The following PLEKHA5 variants were observed in gnomAD, a reference collection of about 807,000 sequenced individuals.
PLEKHA5 encodes the protein pleckstrin homology domain containing A5.
Under a neutral mutation model 181.9 loss-of-function variants are expected in PLEKHA5, and 55 were observed. The observed-to-expected ratio is 0.30, with a 90% CI of 0.24 to 0.38. The LOEUF is 0.38. Among genes scored for constraint, PLEKHA5 ranks in the 10% least tolerant of loss-of-function variants. The pLI is 1.00. For synonymous variants in PLEKHA5, 535 were observed against 529.4 expected, an observed-to-expected ratio of 1.01 and a Z score of -0.15; for missense variants, 1,432 against 1,549.5, an observed-to-expected ratio of 0.92 and a Z score of 1.27.
Position 19,142,097 on chromosome 12 carries a change from C to T in PLEKHA5, c.227+9647C>T, listed in dbSNP as rs370209117. On this transcript the variant is annotated intron_variant, in intron 3 of 31. Coordinates refer to ENST00000429027, the MANE Select transcript of PLEKHA5 (RefSeq NM_001256470.2). ...TGTTAAGGCCAGGTGCTGTGGCTCACGCCTGTAATCCCAACACTTTGGGAG... is the reference window on the plus strand; with the variant it reads ...TGTTAAGGCCAGGTGCTGTGGCTCATGCCTGTAATCCCAACACTTTGGGAG... Among the ~76,000 whole-genome samples, 23 of 152,232 alleles carry T rather than the reference C, an allele frequency of 1.5e-4. 1 individual carries two copies. The highest frequency in any genetic ancestry group is 4.6e-4 in the African/African-American group (19 of 41,544).
intron 10 of PLEKHA5, among the ~76,000 whole-genome samples, chr12:19,272,490 A>G (rs1044299942): frequency 6.6e-6 from 1 of 152,108 alleles, no homozygotes; most frequent in African/African-American, 2.4e-5. Flanking sequence ...TGTAACCCCA[A>G]TAATGTAGGA....
At chr12:19,337,774 A>G (rs2093566607) in intron 21 of PLEKHA5, among the ~76,000 whole-genome samples, 1 of 152,060 alleles carries the variant, frequency 6.6e-6, no homozygotes, top group African/African-American at 2.4e-5. Context: ...AACATGGGGA[A>G]ACCCCATCTG....
At chr12:19,303,210 A>T (rs2082115308) in intron 15 of PLEKHA5, among the ~76,000 whole-genome samples, 1 of 148,528 alleles carries the variant, frequency 6.7e-6, no homozygotes, top group Non-Finnish European at 1.5e-5. Flanking sequence ...CAGCCTCTAG[A>T]TTATTATATA....
chr12:19,231,328 CTG>C (rs1336685293), intron 3 of PLEKHA5, among the ~76,000 whole-genome samples: 1 of 151,912 alleles, frequency 6.6e-6, no homozygotes. Context: ...AAATCAGACT[CTG>C]TAGAAAACGA....
chr12:19,191,400 A>T (rs1164067652), intron 3 of PLEKHA5, among the ~76,000 whole-genome samples: 1 of 152,192 alleles, frequency 6.6e-6, no homozygotes, highest in Non-Finnish European at 1.5e-5. Context: ...CTTTGAGTTA[A>T]TGTTGAGTGT....
chr12:19,274,262 G>T (rs1392406248), intron 10 of PLEKHA5, among the ~76,000 whole-genome samples: 1 of 152,164 alleles, frequency 6.6e-6, no homozygotes, highest in Non-Finnish European at 1.5e-5. Flanking sequence ...GATTCCTAAT[G>T]GTGGGAGCAC....
rs905206973 is a variant in PLEKHA5, at chr12:19,347,141, A to T, written c.2857A>T (p.Met953Leu). 6.4e-6 allele frequency: 10 copies of T among 1,550,410 alleles called. No homozygotes were observed. The highest frequency in any genetic ancestry group is 8.7e-6 in the Non-Finnish European group (10 of 1,146,082). The change falls in exon 24 of 32, where the codon ATG (methionine) becomes TTG (leucine). Residue 953 changes from methionine to leucine, a missense_variant. By Grantham distance (15) the Met-to-Leu change is conservative (BLOSUM62 2). Around this residue, in one of 2 missense-constraint regions of PLEKHA5, gnomAD observed 1,143 missense variants for 1,168.4 expected, o/e 0.98. Transcript: ENST00000429027. ...AGTTCATCTGCCTGAAGAAAAGAAG[A>T]TGTATCAAGTTCAAGGATATCCAAG... ...GPVHLPEEKK[M>L]YQVQGYPRNG...
chr12:19,229,585 G>A (rs966824409), intron 3 of PLEKHA5, among the ~76,000 whole-genome samples: 2 of 152,110 alleles, frequency 1.3e-5, no homozygotes, highest in Non-Finnish European at 2.9e-5. Flanking sequence ...ACAGACCTTC[G>A]CAGTGAGTGT....
At chr12:19,138,585 A>G (rs2036363069) in intron 3 of PLEKHA5, among the ~76,000 whole-genome samples, 1 of 151,816 alleles carries the variant, frequency 6.6e-6, no homozygotes, top group African/African-American at 2.4e-5. Context: ...AAAAAAAAAA[A>G]AAAGAAGATG....
chr12:19,227,324 G>T (rs1403068094), intron 3 of PLEKHA5, among the ~76,000 whole-genome samples: 1 of 149,860 alleles, frequency 6.7e-6, no homozygotes. Context: ...CTCTGGGAAG[G>T]TAAGCTTCCT....
intron 18 of PLEKHA5, among the ~76,000 whole-genome samples, chr12:19,321,900 ACTTT>A (rs781498878): frequency 3.3e-5 from 5 of 152,120 alleles, no homozygotes; most frequent in African/African-American, 7.2e-5. Flanking sequence ...TTATTAGAAT[ACTTT>A]CTTGTACTTT....
intron 3 of PLEKHA5, among the ~76,000 whole-genome samples, chr12:19,215,814 G>T (rs912276537): frequency 2.0e-5 from 3 of 152,250 alleles, no homozygotes; most frequent in Admixed American, 6.5e-5. Context: ...GACTAAATTT[G>T]TGTCTCCAAA....
intron 3 of PLEKHA5, among the ~76,000 whole-genome samples, chr12:19,182,272 C>T (rs865851297): frequency 1.8e-4 from 28 of 152,150 alleles, no homozygotes; most frequent in Middle Eastern, 6.8e-3. Context: ...ATTGTTTTTT[C>T]GCATCCAAGC....
At chr12:19,339,331 G>A (rs1204223450) in intron 21 of PLEKHA5, among the ~76,000 whole-genome samples, 5 of 152,064 alleles carry the variant, frequency 3.3e-5, no homozygotes, top group Admixed American at 6.6e-5. Flanking sequence ...ATGAGCCACC[G>A]TGCCCGGCTA....
At chr12:19,139,274 G>A (rs1003233049) in intron 3 of PLEKHA5, among the ~76,000 whole-genome samples, 1 of 152,168 alleles carries the variant, frequency 6.6e-6, no homozygotes, top group Non-Finnish European at 1.5e-5. Flanking sequence ...AGTAGGTGTG[G>A]GAGGGGGAGC....
In PLEKHA5 at chr12:19,166,038, G is replaced by A. The variant is rs149600718; in HGVS notation, c.227+33588G>A. On this transcript the variant is annotated intron_variant, in intron 3 of 31. Coordinates refer to ENST00000429027, the MANE Select transcript of PLEKHA5 (RefSeq NM_001256470.2). ...TTATAGATGGCAACTGAGGCAAAAA[G>A]AAGGCAGTAACTGCCCAAGGTCAGA... Among the ~76,000 whole-genome samples, 6 of 152,268 alleles carry A rather than the reference G, an allele frequency of 3.9e-5. No homozygotes were observed. The East Asian group carries it at 1.2e-3, about 29-fold the overall frequency.
At chr12:19,140,469 G>C (rs1253317748) in intron 3 of PLEKHA5, among the ~76,000 whole-genome samples, 1 of 152,088 alleles carries the variant, frequency 6.6e-6, no homozygotes, top group African/African-American at 2.4e-5. Flanking sequence ...TGGCCACTAA[G>C]GAGTGTCCTC....
At chr12:19,297,753 A>T (rs138372608) in intron 15 of PLEKHA5, among the ~76,000 whole-genome samples, 20 of 139,016 alleles carry the variant, frequency 1.4e-4, no homozygotes, top group South Asian at 6.8e-4. Flanking sequence ...GTAAATTATT[A>T]TTTTTTTTTT....
intron 3 of PLEKHA5, among the ~76,000 whole-genome samples, chr12:19,250,433 A>C (rs2064976203): frequency 6.6e-6 from 1 of 152,108 alleles, no homozygotes; most frequent in Non-Finnish European, 1.5e-5. Flanking sequence ...AAACTACAAA[A>C]TTAGCCAGGC....
Sources: gnomAD v4.1 joint callset for allele counts (sites outside exome capture counted in the v4.1 genomes callset) on GRCh38, gnomAD v4.1.1 for gene constraint, gnomAD v4.1.1 regional missense constraint, MANE v1.5 for transcripts, NCBI Gene and HGNC (gene_info 2026-07-23, HGNC 2026-07-21) for gene names.